EDA2R: variants seen among roughly 807,000 people sequenced by gnomAD.
The protein encoded by EDA2R is ectodysplasin A2 receptor, also known as tumor necrosis factor receptor superfamily member 27.
A neutral mutation model predicts 20.1 loss-of-function variants in EDA2R; 26 were observed. That is an observed-to-expected ratio of 1.30 (90% CI 0.95 to 1.80). EDA2R has a LOEUF of 1.80. EDA2R is among the 40% of genes most tolerant of loss of function. EDA2R has a pLI of 0.00. For missense variants in EDA2R, 277 were observed against 228.7 expected, an observed-to-expected ratio of 1.21 and a Z score of -1.36; for synonymous variants, 114 against 88.7, an observed-to-expected ratio of 1.29 and a Z score of -1.60.
intron 1 of EDA2R, among the ~76,000 whole-genome samples, chrX:66,618,878 G>T (rs1932152456): frequency 8.9e-6 from 1 of 112,364 alleles, no homozygotes; most frequent in South Asian, 3.7e-4. Context: ...CAAACAAATA[G>T]TTTTACCTTT....
At chrX:66,627,960 A>G (rs1933279118) in intron 1 of EDA2R, among the ~76,000 whole-genome samples, 1 of 111,939 alleles carries the variant, frequency 8.9e-6, no homozygotes, top group South Asian at 3.7e-4. Context: ...CCATAAATTT[A>G]AGAAAACTGA....
intron 2 of EDA2R, among the ~76,000 whole-genome samples, chrX:66,609,907 A>G (rs1171632724): frequency 8.9e-6 from 1 of 112,219 alleles, no homozygotes; most frequent in East Asian, 2.8e-4. Flanking sequence ...AGAAATTTAT[A>G]GATAAAAATT....
rs1047258806 is a variant in EDA2R at position 66,595,764 on chromosome X, AT to A, written c.*2339del. The A allele has an allele frequency of 1.8e-5, 2 of 112,023 alleles. No homozygotes were observed. The highest frequency in any genetic ancestry group is 6.5e-5 in the African/African-American group (2 of 30,798). The allele number at this position is 112,023 out of a possible 1,213,427, so 9.2% of individuals were successfully genotyped here. Reference sequence around the variant, plus strand: ...TTAACAAAATTTCTATAAATAACCCATTTATGAGAAAAAATAATTAAAATGT... The same window carrying A: ...TTAACAAAATTTCTATAAATAACCCATTATGAGAAAAAATAATTAAAATGT... On this transcript the variant is annotated 3_prime_UTR_variant, in exon 7 of 7. Coordinates refer to ENST00000374719, the MANE Select transcript of EDA2R (RefSeq NM_021783.5).
At chrX:66,602,408 A>G (rs986139986) in intron 5 of EDA2R, among the ~76,000 whole-genome samples, 12 of 110,832 alleles carry the variant, frequency 1.1e-4, no homozygotes, top group Admixed American at 1.9e-4. Flanking sequence ...CTGAAACATA[A>G]TGAACCAGGT....
intron 2 of EDA2R, among the ~76,000 whole-genome samples, chrX:66,614,306 T>C (rs1239475665): frequency 8.9e-6 from 1 of 111,952 alleles, no homozygotes. Flanking sequence ...CTTGATAACA[T>C]TGCTGATCTG....
chrX:66,611,741 A>G (rs1299685535), intron 2 of EDA2R, among the ~76,000 whole-genome samples: 3 of 111,612 alleles, frequency 2.7e-5, no homozygotes, highest in Non-Finnish European at 5.7e-5. Context: ...TTATGAAAAG[A>G]AAATTTTTTA....
rs1929322323 is a variant in EDA2R at position 66,604,645 on chromosome X, CTG to C, written c.267-141_267-140del. The C allele has an allele frequency of 5.7e-6, 3 of 522,016 alleles. No homozygotes were observed. The East Asian group carries it at 1.1e-4, about 19-fold the overall frequency. The allele number at this position is 522,016 out of a possible 1,213,427, so 43.0% of individuals were successfully genotyped here. Reference sequence around the variant, plus strand: ...ACCCCTCTTTCTGAGTTATCTGCCTCTGTGTCTTTTTCTGACTCAGAGACCCA... The same window carrying C: ...ACCCCTCTTTCTGAGTTATCTGCCTCTGTCTTTTTCTGACTCAGAGACCCA... On this transcript the variant is annotated intron_variant, in intron 3 of 6. Transcript: ENST00000374719.
At chrX:66,602,525 A>T in intron 5 of EDA2R, 108 bp downstream of exon 5, 1 of 904,426 alleles carries the variant, frequency 1.1e-6, no homozygotes, top group Non-Finnish European at 1.5e-6. Flanking sequence ...TGGGGTTTTC[A>T]AGCATGGTAG....
intron 1 of EDA2R, among the ~76,000 whole-genome samples, chrX:66,621,659 A>T (rs1191028017): frequency 8.9e-6 from 1 of 112,523 alleles, no homozygotes; most frequent in Non-Finnish European, 1.9e-5. Context: ...CAAAAGGACA[A>T]ATGTTGTATG....
chrX:66,609,725 T>C (rs1007885246), intron 2 of EDA2R, among the ~76,000 whole-genome samples: 29 of 112,078 alleles, frequency 2.6e-4, no homozygotes, highest in Admixed American at 2.6e-3. Context: ...AATAATGCTA[T>C]CCAACTTATA....
chrX:66,614,679 C>T (rs906571489), intron 2 of EDA2R, among the ~76,000 whole-genome samples: 1 of 111,833 alleles, frequency 8.9e-6, no homozygotes, highest in Admixed American at 9.5e-5. Flanking sequence ...TATCCCTGCG[C>T]CTTATTCTCT....
At chrX:66,617,701 C>A (rs1931946108) in intron 1 of EDA2R, among the ~76,000 whole-genome samples, 1 of 110,760 alleles carries the variant, frequency 9.0e-6, no homozygotes, top group African/African-American at 3.3e-5. Context: ...TAGAGCTCCA[C>A]CCCCCTAATA....
rs992152926 is a variant in EDA2R, at chrX:66,595,689, A to G, written c.*2415T>C. 8.9e-6 allele frequency: 1 copy of G among 111,967 alleles called. No individual in the cohort carries two copies. Among genetic ancestry groups the G allele is most frequent in the African/African-American group, 3.3e-5 (1 of 30,725 alleles). 9.2% of individuals were successfully genotyped at this position (111,967 alleles called of 1,213,427 possible). On this transcript the variant is annotated 3_prime_UTR_variant, in exon 7 of 7. Coordinates refer to ENST00000374719, the MANE Select transcript of EDA2R (RefSeq NM_021783.5). ...CAATATGAAATGTTTGCAGAGCATC[A>G]TAAACAAACATAGCCCTGCCAGTAT...
intron 1 of EDA2R, among the ~76,000 whole-genome samples, chrX:66,637,989 A>G (rs1011797210): frequency 9.0e-6 from 1 of 111,126 alleles, no homozygotes; most frequent in Non-Finnish European, 1.9e-5. Flanking sequence ...AAAAAAGAAT[A>G]AAAAAAAACC....
At chrX:66,620,965 C>CAAAAAAAA (rs376190384) in intron 1 of EDA2R, among the ~76,000 whole-genome samples, 2 of 55,304 alleles carry the variant, frequency 3.6e-5, no homozygotes, top group Non-Finnish European at 7.0e-5. Context: ...TATCCACTAC[C>CAAAAAAAA]AAAAAAAAAA....
intron 2 of EDA2R, among the ~76,000 whole-genome samples, 172 bp downstream of exon 2, chrX:66,615,762 G>T (rs1931566983): frequency 9.0e-6 from 1 of 111,722 alleles, no homozygotes; most frequent in Non-Finnish European, 1.9e-5. Flanking sequence ...CTGCTAGGCT[G>T]ACTTCATGCT....
intron 1 of EDA2R, among the ~76,000 whole-genome samples, chrX:66,627,614 A>C (rs1933233158): frequency 8.9e-6 from 1 of 112,089 alleles, no homozygotes; most frequent in Non-Finnish European, 1.9e-5. Context: ...ATAATACCAG[A>C]GCTCCCAAAT....
intron 1 of EDA2R, among the ~76,000 whole-genome samples, chrX:66,637,443 A>C (rs967349365): frequency 8.9e-6 from 1 of 111,904 alleles, no homozygotes; most frequent in African/African-American, 3.2e-5. Flanking sequence ...TTTTAAGCTC[A>C]AAAACTTTCA....
In EDA2R at chrX:66,599,811, G is replaced by A. The variant is rs449504; in HGVS notation, c.567C>T (p.Leu189=). 8.3e-6 allele frequency: 10 copies of A among 1,206,824 alleles called. No individual in the cohort carries two copies. The highest frequency in any genetic ancestry group is 3.5e-5 in the African/African-American group (2 of 57,061). ...TCTCCTTGCTGGGTGGCACGGGGAA[G>A]AGAGATTCCTCCTTTGCTGTTTTAT... ...EADKTAKEES[L]FPVPPSKETS... is the part of the protein sequence containing the mutation. The change falls in exon 6 of 7, where the codon CTC becomes CTT. Residue 189 remains leucine, a synonymous_variant. Coordinates refer to ENST00000374719, the MANE Select transcript of EDA2R (RefSeq NM_021783.5).
Sources: allele counts gnomAD v4.1 joint callset (sites outside exome capture counted in the v4.1 genomes callset), GRCh38; gene constraint gnomAD v4.1.1; transcripts MANE v1.5; gene names NCBI Gene and HGNC (gene_info 2026-07-23, HGNC 2026-07-21).